Variants in SCN1A observed in about 807,000 individuals in gnomAD.
The protein encoded by SCN1A is sodium voltage-gated channel alpha subunit 1, also known as sodium channel protein type 1 subunit alpha.
Under a neutral mutation model 193.7 loss-of-function variants are expected in SCN1A, and 13 were observed. The ratio of observed to expected loss-of-function variants is 0.07; its 90% CI spans 0.04 to 0.11. The LOEUF is 0.11. Among genes scored for constraint, SCN1A ranks in the 10% least tolerant of loss-of-function variants. The pLI, the probability that SCN1A is intolerant of heterozygous loss-of-function variation, is 1.00. For missense variants in SCN1A, 1,432 were observed against 2,451.1 expected, an observed-to-expected ratio of 0.58 and a Z score of 8.78; for synonymous variants, 781 against 843.6, an observed-to-expected ratio of 0.93 and a Z score of 1.29.
chr2:166,089,408 T>G (rs1487335675), intron 2 of SCN1A, among the ~76,000 whole-genome samples: 1 of 152,190 alleles, frequency 6.6e-6, no homozygotes, highest in African/African-American at 2.4e-5. Context: ...CATTTTCAGT[T>G]CAGTTAGCAA....
intron 22 of SCN1A, among the ~76,000 whole-genome samples, chr2:166,010,240 G>T (rs972364634): frequency 7.3e-5 from 11 of 151,056 alleles, no homozygotes; most frequent in African/African-American, 2.7e-4. Flanking sequence ...AAAAACTGCT[G>T]TTGTACTAAA....
intron 10 of SCN1A, 141 bp from the exon 11 acceptor site, chr2:166,047,909 A>G (rs759260294): frequency 3.5e-5 from 37 of 1,048,916 alleles, no homozygotes; most frequent in Admixed American, 7.5e-5. Flanking sequence ...CTATTTCCCA[A>G]CTTTTGACTG....
intron 2 of SCN1A, chr2:166,126,362 A>C (rs1691240526): frequency 6.6e-6 from 1 of 152,188 alleles, no homozygotes; most frequent in South Asian, 2.1e-4. Context: ...GTTTTTCACC[A>C]CAGTCATTCT....
intron 2 of SCN1A, among the ~76,000 whole-genome samples, chr2:166,112,722 G>T (rs1244366035): frequency 6.6e-6 from 1 of 152,092 alleles, no homozygotes; most frequent in Non-Finnish European, 1.5e-5. Context: ...CTTTTTGTAT[G>T]CTAATGAGAT....
At chr2:166,050,436 C>G (rs1383975621) in intron 9 of SCN1A, among the ~76,000 whole-genome samples, 2 of 150,014 alleles carry the variant, frequency 1.3e-5, no homozygotes, top group Non-Finnish European at 3.0e-5. Context: ...ATAAATTTTC[C>G]CTAGAGAGAA....
At chr2:166,016,023 A>AT (rs773765545) in intron 19 of SCN1A, 15 of 351,696 alleles carry the variant, frequency 4.3e-5, no homozygotes, top group Non-Finnish European at 8.0e-5. Context: ...GAAGCAGGGG[A>AT]CACAGGGAAG....
At chr2:166,054,329 G>C (rs1410756447) in intron 7 of SCN1A, among the ~76,000 whole-genome samples, 1 of 149,892 alleles carries the variant, frequency 6.7e-6, no homozygotes, top group Non-Finnish European at 1.5e-5. Context: ...AAATATGCTT[G>C]TGTTTTGACA....
chr2:166,106,564 C>T (rs746310395), intron 2 of SCN1A, among the ~76,000 whole-genome samples: 1 of 152,002 alleles, frequency 6.6e-6, no homozygotes, highest in African/African-American at 2.4e-5. Context: ...AGAAGGAGTG[C>T]GGCACTGAAG....
intron 23 of SCN1A, among the ~76,000 whole-genome samples, chr2:166,005,767 A>T (rs930635672): frequency 2.0e-5 from 3 of 151,362 alleles, no homozygotes; most frequent in Admixed American, 1.3e-4. Context: ...ATTGGTTCTT[A>T]TGGGGGGAAG....
intron 2 of SCN1A, among the ~76,000 whole-genome samples, chr2:166,110,448 G>A (rs1197072384): frequency 2.0e-5 from 3 of 152,164 alleles, no homozygotes; most frequent in Non-Finnish European, 4.4e-5. Context: ...CTTTATTGCT[G>A]ATATGAAGAA....
At chr2:166,084,903 A>G (rs990911954) in intron 2 of SCN1A, among the ~76,000 whole-genome samples, 2 of 152,172 alleles carry the variant, frequency 1.3e-5, no homozygotes, top group Non-Finnish European at 2.9e-5. Context: ...AGCCTGGTCC[A>G]TTCCTCAGAA....
chr2:166,141,728 TTTC>T (rs1272177921), intron 1 of SCN1A, among the ~76,000 whole-genome samples: 5 of 132,962 alleles, frequency 3.8e-5, no homozygotes, highest in Admixed American at 1.5e-4. Context: ...CTTTCTTCCT[TTTC>T]TTTTTTTTTT....
intron 9 of SCN1A, among the ~76,000 whole-genome samples, chr2:166,049,889 A>G (rs994965918): frequency 6.6e-6 from 1 of 152,044 alleles, no homozygotes; most frequent in Non-Finnish European, 1.5e-5. Flanking sequence ...TATTGAATGA[A>G]TAAGTAAATA....
intron 2 of SCN1A, among the ~76,000 whole-genome samples, chr2:166,085,582 G>A (rs1686024040): frequency 6.6e-6 from 1 of 152,138 alleles, no homozygotes; most frequent in South Asian, 2.1e-4. Context: ...CGGGCAGCGG[G>A]GCTGAAGCAG....
In SCN1A at chr2:165,987,525, A is replaced by G. The variant is rs1010454285; in HGVS notation, c.*3720T>C. On this transcript the variant is annotated 3_prime_UTR_variant, in exon 29 of 29. Transcript: ENST00000674923. ...ATTTCTTCTACAATTGTTAATTAAC[A>G]TTCAACTGCAAGAAACAGATTTGTA... is the stretch of plus-strand genomic sequence containing the variant. The G allele has an allele frequency of 1.3e-5, 2 of 152,200 alleles. No homozygotes were observed. The highest frequency in any genetic ancestry group is 6.6e-5 in the Admixed American group (1 of 15,266). 9.4% of individuals were successfully genotyped at this position (152,200 alleles called of 1,614,324 possible). A position where few individuals can be genotyped will look rare whatever the true frequency, so the allele number is the denominator to read the frequency against.
At position 165,989,241 on chromosome 2, in the gene SCN1A, C is replaced by T. The variant is rs1418887290; in HGVS notation, c.*2004G>A. ...TATTTAGCATAATAGTAGCATTTTC[C>T]AGCATGCAGTTCACGAATACAGTTT... On this transcript the variant is annotated 3_prime_UTR_variant, in exon 29 of 29. Coordinates refer to ENST00000674923, the MANE Select transcript of SCN1A (RefSeq NM_001165963.4). 6.6e-6 allele frequency: 1 copy of T among 152,384 alleles called. No homozygotes were observed. The highest frequency in any genetic ancestry group is 1.5e-5 in the Non-Finnish European group (1 of 67,994). The allele number at this position is 152,384 out of a possible 1,614,324, so 9.4% of individuals were successfully genotyped here.
intron 10 of SCN1A, 57 bp from the exon 11 acceptor site, chr2:166,047,825 T>C: frequency 6.2e-7 from 1 of 1,603,934 alleles, no homozygotes; most frequent in Non-Finnish European, 8.5e-7. Context: ...TTTACTCTGA[T>C]ACTATGCTAT....
chr2:166,097,091 G>A (rs1472924008), intron 2 of SCN1A, among the ~76,000 whole-genome samples: 3 of 151,306 alleles, frequency 2.0e-5, no homozygotes, highest in South Asian at 2.1e-4. Flanking sequence ...GCATGATCGC[G>A]GCTCACTGCA....
chr2:166,115,251 TG>T (rs1210457938), intron 2 of SCN1A, among the ~76,000 whole-genome samples: 1 of 151,922 alleles, frequency 6.6e-6, no homozygotes, highest in African/African-American at 2.4e-5. Context: ...CCCCGCCACT[TG>T]GGGGGCTGAG....
Sources: allele counts gnomAD v4.1 joint callset (sites outside exome capture counted in the v4.1 genomes callset), GRCh38; gene constraint gnomAD v4.1.1; transcripts MANE v1.5; gene names NCBI Gene and HGNC (gene_info 2026-07-23, HGNC 2026-07-21).